INSR: variants seen among roughly 807,000 people sequenced by gnomAD.
The protein encoded by INSR is insulin receptor.
In INSR, 67 loss-of-function variants were observed where a neutral mutation model predicts 142.6. The ratio of observed to expected loss-of-function variants is 0.47; its 90% CI spans 0.39 to 0.58. The LOEUF is 0.58. Among genes scored for constraint, INSR ranks in the 20% least tolerant of loss-of-function variants. The pLI is 0.00. For missense variants in INSR, 1,248 were observed against 1,833.2 expected, an observed-to-expected ratio of 0.68 and a Z score of 5.83; for synonymous variants, 756 against 743.1, an observed-to-expected ratio of 1.02 and a Z score of -0.28.
Position 7,142,870 on chromosome 19 carries a change from G to C in INSR, c.2488C>G (p.Pro830Ala). The C allele has an allele frequency of 6.2e-7, 1 of 1,614,106 alleles. No individual in the cohort carries two copies. The highest frequency in any genetic ancestry group is 1.1e-5 in the South Asian group (1 of 91,080). ...IELQACNQDT[P>A]EERCSVAAYV... is the part of the protein sequence containing the mutation. ...GCTGCCACACTGCACCGTTCCTCAG[G>C]GGTGTCCTGGTTGCAAGCCTGCAGC... Residue 830 changes from proline to alanine, a missense_variant, in exon 12 of 22, where the codon CCT (proline) becomes GCT (alanine). Transcript: ENST00000302850.
intron 1 of INSR, among the ~76,000 whole-genome samples, chr19:7,286,440 T>G (rs1488238092): frequency 6.6e-6 from 1 of 151,878 alleles, no homozygotes; most frequent in African/African-American, 2.4e-5. Flanking sequence ...CAGGTTGGAG[T>G]GCAGTGGCAT....
chr19:7,147,936 C>T lies in INSR; in HGVS notation c.2267+2561G>A, dbSNP rs367640837. ...CATCAACTGATTTTTTTTTTTGAGA[C>T]AGAGTCTTGCTCTGTTGCCCAGGCT... On this transcript the variant is annotated intron_variant, in intron 11 of 21. Transcript: ENST00000302850. Among the ~76,000 whole-genome samples the T allele has an allele frequency of 1.0e-3, 152 of 151,620 alleles. No individual in the cohort carries two copies. In the South Asian group the frequency reaches 0.017, roughly 17 times the overall value.
chr19:7,196,007 C>T (rs1041295024), intron 2 of INSR, among the ~76,000 whole-genome samples: 2 of 151,444 alleles, frequency 1.3e-5, no homozygotes, highest in Non-Finnish European at 2.9e-5. Flanking sequence ...ACCATCTCGG[C>T]TCACTGCAAC....
intron 2 of INSR, among the ~76,000 whole-genome samples, chr19:7,222,473 A>G (rs928423288): frequency 6.6e-6 from 1 of 152,000 alleles, no homozygotes; most frequent in Non-Finnish European, 1.5e-5. Flanking sequence ...AGCTCACTGC[A>G]GCATCAAACT....
rs1967776372 is a variant in INSR, at chr19:7,267,582, T to C, written c.415A>G (p.Ile139Val). The change falls in exon 2 of 22, where the codon ATC (isoleucine) becomes GTC (valine). Residue 139 changes from isoleucine to valine, a missense_variant. Ile to Val is a conservative substitution (Grantham distance 29). Around this residue, in one of 3 missense-constraint regions of INSR, gnomAD observed 1,069 missense variants for 1,654.0 expected, o/e 0.65. Coordinates refer to ENST00000302850, the MANE Select transcript of INSR (RefSeq NM_000208.4). The surrounding 1 kb of genome is among the most constrained non-coding windows in gnomAD (Gnocchi z 6.3). ...TCGATGCGGACAGAACCCCGGGTGA[T>C]GTTCATCAGGTTGTAGAGGCCGAGT... ...KELGLYNLMN[I>V]TRGSVRIEKN... 2.5e-6 allele frequency: 4 copies of C among 1,614,146 alleles called. No individual in the cohort carries two copies. The highest frequency in any genetic ancestry group is 3.4e-6 in the Non-Finnish European group (4 of 1,180,042).
Position 7,119,415 on chromosome 19 carries a change from C to A in INSR, c.3794+34G>T. On this transcript the variant is annotated intron_variant, in intron 21 of 21. Coordinates refer to ENST00000302850, the MANE Select transcript of INSR (RefSeq NM_000208.4). The surrounding 1 kb of genome is among the most constrained non-coding windows in gnomAD (Gnocchi z 5.2). ...TAAAGGGCAATACCCTTTCAACGAA[C>A]ACCTCACACACCTTAAACCCTTTCT... The A allele has an allele frequency of 1.2e-6, 2 of 1,613,836 alleles. No individual in the cohort carries two copies. Among genetic ancestry groups the A allele is most frequent in the Non-Finnish European group, 1.7e-6 (2 of 1,179,772 alleles).
In INSR at chr19:7,184,512, G is replaced by T; in HGVS notation, c.778C>A (p.Leu260Met). The T allele has an allele frequency of 6.2e-7, 1 of 1,614,026 alleles. No homozygotes were observed. Among genetic ancestry groups the T allele is most frequent in the Non-Finnish European group, 8.5e-7 (1 of 1,180,012 alleles). ...TKCVACRNFY[L>M]DGRCVETCPP... is the part of the protein sequence containing the mutation. ...CAGGTCTCCACACACCTGCCGTCCAGGTAGAAGTTGCGGCAGGCCACGCAC... is the reference window on the plus strand; with the variant it reads ...CAGGTCTCCACACACCTGCCGTCCATGTAGAAGTTGCGGCAGGCCACGCAC... The change falls in exon 3 of 22, where the codon CTG becomes ATG. Residue 260 changes from leucine to methionine, a missense_variant. Leu to Met is a conservative substitution (Grantham distance 15, BLOSUM62 2). Transcript: ENST00000302850.
chr19:7,132,972 G>A (rs1230144026), intron 13 of INSR, among the ~76,000 whole-genome samples: 1 of 152,040 alleles, frequency 6.6e-6, no homozygotes, highest in Non-Finnish European at 1.5e-5. Flanking sequence ...ATTGACAACA[G>A]TATTATAGGT....
At chr19:7,151,043 CA>C (rs1973324633) in intron 10 of INSR, among the ~76,000 whole-genome samples, 1 of 113,484 alleles carries the variant, frequency 8.8e-6, no homozygotes, top group Non-Finnish European at 2.0e-5. Context: ...TTCTTTTTTT[CA>C]TTTTCTTTCT....
At chr19:7,242,500 TGAG>T (rs113704574) in intron 2 of INSR, among the ~76,000 whole-genome samples, 17,502 of 151,806 alleles carry the variant, frequency 0.12, 2,754 homozygotes, top group African/African-American at 0.36. Context: ...TTTGAAAGGC[TGAG>T]GAGGAGGGCA....
chr19:7,115,164 C>CT lies in INSR; in HGVS notation c.*1891dup, dbSNP rs1276132862. 1 of 152,196 alleles carries CT rather than the reference C, an allele frequency of 6.6e-6. No homozygotes were observed. Among genetic ancestry groups the CT allele is most frequent in the African/African-American group, 2.4e-5 (1 of 41,438 alleles). 9.4% of individuals were successfully genotyped at this position (152,196 alleles called of 1,614,324 possible). A position where few individuals can be genotyped will look rare whatever the true frequency, so the allele number is the denominator to read the frequency against. ...CTATCCCATTCTTAAGCCCACAACT[C>CT]TTAAGAGAAGAAGAAAAGGAAGCAG... On this transcript the variant is annotated 3_prime_UTR_variant, in exon 22 of 22. Coordinates refer to ENST00000302850, the MANE Select transcript of INSR (RefSeq NM_000208.4).
At chr19:7,265,818 A>T (rs1323939366) in intron 2 of INSR, among the ~76,000 whole-genome samples, 2 of 152,152 alleles carry the variant, frequency 1.3e-5, no homozygotes, top group African/African-American at 4.8e-5. Flanking sequence ...AGTGTAAAGT[A>T]CAGAAGTGGC....
At chr19:7,165,684 A>G (rs564936511) in intron 8 of INSR, among the ~76,000 whole-genome samples, 1 of 151,970 alleles carries the variant, frequency 6.6e-6, no homozygotes, top group South Asian at 2.1e-4. Context: ...GTAACACAGC[A>G]ACGTTCTGTC....
intron 11 of INSR, among the ~76,000 whole-genome samples, chr19:7,145,067 T>C (rs1973158568): frequency 6.6e-6 from 1 of 152,188 alleles, no homozygotes; most frequent in African/African-American, 2.4e-5. Flanking sequence ...TCATTTTTCC[T>C]TTATTGGTTC....
chr19:7,152,020 G>A (rs1409446641), intron 10 of INSR: 2 of 149,702 alleles, frequency 1.3e-5, no homozygotes, highest in African/African-American at 5.0e-5. Context: ...TGCCCAGGCT[G>A]GCCTCAAGCA....
chr19:7,160,795 C>A (rs1973728039), intron 9 of INSR, among the ~76,000 whole-genome samples: 1 of 151,816 alleles, frequency 6.6e-6, no homozygotes, highest in Non-Finnish European at 1.5e-5. Context: ...GTCAGGAATT[C>A]AAGACCACCC....
At chr19:7,246,757 TACA>T (rs1249446183) in intron 2 of INSR, among the ~76,000 whole-genome samples, 1 of 152,128 alleles carries the variant, frequency 6.6e-6, no homozygotes, top group Non-Finnish European at 1.5e-5. Flanking sequence ...TGAACTTGGA[TACA>T]ACAAGTTCTA....
intron 1 of INSR, among the ~76,000 whole-genome samples, chr19:7,286,329 G>C (rs1968343744): frequency 6.6e-6 from 1 of 152,108 alleles, no homozygotes. Context: ...CAATGGCACA[G>C]TTACCTCCCT....
At chr19:7,153,059 A>ACACACAC (rs1422418319) in intron 9 of INSR, 132 bp from the exon 10 acceptor site, 3 of 340,378 alleles carry the variant, frequency 8.8e-6, no homozygotes, top group East Asian at 4.2e-5. Flanking sequence ...CCCCCCACAC[A>ACACACAC]CACACACCAC....
Sources: gnomAD v4.1 joint callset for allele counts (sites outside exome capture counted in the v4.1 genomes callset) on GRCh38, gnomAD v4.1.1 for gene constraint, gnomAD v4.1.1 regional missense constraint, Gnocchi (gnomAD v3.1) non-coding constraint, MANE v1.5 for transcripts, NCBI Gene and HGNC (gene_info 2026-07-23, HGNC 2026-07-21) for gene names.